Variants in RASEF observed in about 807,000 individuals in gnomAD.
RASEF encodes ras and EF-hand domain-containing protein.
A neutral mutation model predicts 90.1 loss-of-function variants in RASEF; 68 were observed. That is an observed-to-expected ratio of 0.75 (90% CI 0.62 to 0.92). The LOEUF is 0.92. Ranked by LOEUF, RASEF falls within the 40% of genes least tolerant of loss-of-function variation. The pLI is 0.00. For synonymous variants in RASEF, 331 were observed against 345.2 expected (o/e 0.96, Z 0.46); for missense variants, 949 against 937.2 (o/e 1.01, Z -0.16).
At chr9:83,093,089 A>C in the RASEF span, among the ~76,000 whole-genome samples, 1 of 152,102 alleles carries the variant, frequency 6.6e-6, no homozygotes, top group African/African-American at 2.4e-5. Context: ...GTGCGCTCAC[A>C]AACCCTGAGC....
Position 82,981,613 on chromosome 9 carries a change from A to G in RASEF, c.*1064T>C, listed in dbSNP as rs1241346581. 1.3e-5 allele frequency: 2 copies of G among 152,182 alleles called. No homozygotes were observed. Among genetic ancestry groups the G allele is most frequent in the African/African-American group, 4.8e-5 (2 of 41,438 alleles). 9.4% of individuals were successfully genotyped at this position (152,182 alleles called of 1,614,324 possible). ...GTACTAGCATTTTTTTTAGTGAGAT[A>G]ATTCACAACCATAAAATTCACCCTT... On this transcript the variant is annotated 3_prime_UTR_variant, in exon 17 of 17. Coordinates refer to ENST00000376447, the MANE Select transcript of RASEF (RefSeq NM_152573.4).
chr9:83,108,357 C>T, the RASEF span, among the ~76,000 whole-genome samples: 1 of 152,148 alleles, frequency 6.6e-6, no homozygotes, highest in East Asian at 1.9e-4. Context: ...AACTATGGCC[C>T]CCTGGACAAC....
chr9:83,162,993 A>C, the RASEF span, among the ~76,000 whole-genome samples: 1 of 152,338 alleles, frequency 6.6e-6, no homozygotes, highest in Non-Finnish European at 1.5e-5. Flanking sequence ...CCATTTTGAA[A>C]TATGCCAGTG....
chr9:83,153,751 G>A, the RASEF span, among the ~76,000 whole-genome samples: 1 of 152,292 alleles, frequency 6.6e-6, no homozygotes, highest in East Asian at 1.9e-4. Context: ...GCCTTAAGAA[G>A]GGAAACAAAA....
chr9:83,114,709 A>G, the RASEF span, among the ~76,000 whole-genome samples: 2 of 151,976 alleles, frequency 1.3e-5, no homozygotes, highest in African/African-American at 4.8e-5. Flanking sequence ...CTCCTGTAGC[A>G]CTCCCAGGCT....
At chr9:83,027,876 C>T (rs1283287608) in intron 1 of RASEF, among the ~76,000 whole-genome samples, 2 of 152,160 alleles carry the variant, frequency 1.3e-5, no homozygotes, top group Admixed American at 6.5e-5. Context: ...CATGCTTCTC[C>T]GGATTGATGG....
chr9:83,156,055 A>T, the RASEF span, among the ~76,000 whole-genome samples: 1 of 152,216 alleles, frequency 6.6e-6, no homozygotes, highest in African/African-American at 2.4e-5. Context: ...TAGACAGCAG[A>T]TGTCACAAAC....
intron 1 of RASEF, chr9:83,055,398 TCGGCTCGCGCA>T: frequency 2.0e-6 from 1 of 511,460 alleles, no homozygotes; most frequent in Non-Finnish European, 3.5e-6. Flanking sequence ...TCGCCCTGCT[TCGGCTCGCGCA>T]CGGTGCGCGC....
intron 14 of RASEF, among the ~76,000 whole-genome samples, chr9:82,994,027 C>T (rs1404509935): frequency 6.6e-6 from 1 of 152,182 alleles, no homozygotes; most frequent in African/African-American, 2.4e-5. Flanking sequence ...GTGGAAATTA[C>T]TCTTTGCAGT....
the RASEF span, among the ~76,000 whole-genome samples, chr9:83,161,306 A>G: frequency 1.3e-5 from 2 of 152,186 alleles, no homozygotes; most frequent in Non-Finnish European, 2.9e-5. Context: ...GCCTGAGACC[A>G]TGGGAACCCA....
upstream of RASEF, among the ~76,000 whole-genome samples, chr9:83,065,929 C>A (rs1311167583): frequency 6.6e-6 from 1 of 152,154 alleles, no homozygotes; most frequent in Non-Finnish European, 1.5e-5. Flanking sequence ...AATGCACAGG[C>A]CAGAGCCTCC....
At chr9:83,213,093 T>TAAA in the RASEF span, among the ~76,000 whole-genome samples, 17 of 145,842 alleles carry the variant, frequency 1.2e-4, no homozygotes, top group African/African-American at 4.2e-4. Context: ...GCACACGTTT[T>TAAA]AAAAAAAAAA....
At chr9:82,984,550 A>C (rs1343836818) in intron 16 of RASEF, among the ~76,000 whole-genome samples, 1 of 152,190 alleles carries the variant, frequency 6.6e-6, no homozygotes. Context: ...AGACACACAC[A>C]CCCGACAGGA....
chr9:82,990,500 G>A, intron 15 of RASEF, 33 bp from the exon 16 acceptor site: 1 of 1,484,390 alleles, frequency 6.7e-7, no homozygotes, highest in Non-Finnish European at 9.3e-7. Context: ...ATTAAATGAA[G>A]CCCTTCATTG....
chr9:82,989,375 C>T (rs1564068601), intron 16 of RASEF, among the ~76,000 whole-genome samples: 1 of 152,040 alleles, frequency 6.6e-6, no homozygotes, highest in Non-Finnish European at 1.5e-5. Context: ...GAATTAATGT[C>T]CATCAAGAAT....
the RASEF span, among the ~76,000 whole-genome samples, chr9:83,139,564 C>A: frequency 2.6e-5 from 4 of 151,624 alleles, no homozygotes; most frequent in Non-Finnish European, 5.9e-5. Context: ...TAGAAGTGAG[C>A]CATTAAAAAG....
chr9:83,016,295 C>T (rs1387271065), intron 3 of RASEF, among the ~76,000 whole-genome samples: 1 of 152,060 alleles, frequency 6.6e-6, no homozygotes, highest in African/African-American at 2.4e-5. Flanking sequence ...CCTGGGTGAA[C>T]CCTTTTCCCT....
chr9:83,094,246 T>C, the RASEF span, among the ~76,000 whole-genome samples: 2 of 151,616 alleles, frequency 1.3e-5, no homozygotes, highest in Non-Finnish European at 2.9e-5. Context: ...ACTTGAAATA[T>C]GTCCACCTGA....
chr9:83,139,630 G>A, the RASEF span, among the ~76,000 whole-genome samples: 2 of 152,236 alleles, frequency 1.3e-5, no homozygotes, highest in East Asian at 1.9e-4. Context: ...AGGAACAGGA[G>A]GGGTTAGTCT....
Sources: gnomAD v4.1 joint callset for allele counts (sites outside exome capture counted in the v4.1 genomes callset) on GRCh38, gnomAD v4.1.1 for gene constraint, MANE v1.5 for transcripts, NCBI Gene and HGNC (gene_info 2026-07-23, HGNC 2026-07-21) for gene names.